TRPM1: variants seen among roughly 807,000 people sequenced by gnomAD.
TRPM1 encodes transient receptor potential cation channel subfamily M member 1, also known as TRPM1-203 APA Isoform, Intron 10.
A neutral mutation model predicts 149.4 loss-of-function variants in TRPM1; 113 were observed. The ratio of observed to expected loss-of-function variants is 0.76; its 90% CI spans 0.65 to 0.88. The LOEUF (loss-of-function observed/expected upper bound fraction) is 0.88. Ranked by LOEUF, TRPM1 falls within the 40% of genes least tolerant of loss-of-function variation. The pLI is 0.00. For missense variants in TRPM1, 1,976 were observed against 2,038.7 expected, an observed-to-expected ratio of 0.97 and a Z score of 0.59; for synonymous variants, 741 against 759.5, an observed-to-expected ratio of 0.98 and a Z score of 0.40.
intron 1 of TRPM1, among the ~76,000 whole-genome samples, chr15:31,091,424 G>A (rs1160916295): frequency 6.6e-6 from 1 of 152,244 alleles, no homozygotes; most frequent in Non-Finnish European, 1.5e-5. Context: ...AAGTCAGTAA[G>A]CGCCTCTCAG....
chr15:31,147,616 T>G (rs552676596), intron 1 of TRPM1, among the ~76,000 whole-genome samples: 3 of 152,354 alleles, frequency 2.0e-5, no homozygotes, highest in Admixed American at 2.0e-4. Context: ...GCTCTCAGAT[T>G]AGCTGCTCCT....
At chr15:31,066,928 G>T (rs951038679) in intron 6 of TRPM1, 135 bp downstream of exon 6, 1 of 1,173,844 alleles carries the variant, frequency 8.5e-7, no homozygotes, top group African/African-American at 1.5e-5. Flanking sequence ...TTTGCAAGAT[G>T]TTACCATTGG....
chr15:31,152,347 G>A (rs996587953), intron 1 of TRPM1, among the ~76,000 whole-genome samples: 1 of 152,224 alleles, frequency 6.6e-6, no homozygotes, highest in African/African-American at 2.4e-5. Context: ...CCAGGACTGG[G>A]TTCAAAAGGT....
At chr15:31,154,670 G>A (rs537279507) in intron 1 of TRPM1, among the ~76,000 whole-genome samples, 3 of 152,328 alleles carry the variant, frequency 2.0e-5, no homozygotes, top group African/African-American at 7.2e-5. Flanking sequence ...TTAGCCACAA[G>A]ATTAGAAATT....
At chr15:31,113,416 A>G (rs116325205) in intron 1 of TRPM1, among the ~76,000 whole-genome samples, 3,234 of 139,542 alleles carry the variant, frequency 0.023, 115 homozygotes, top group African/African-American at 0.081. Flanking sequence ...ACAGAATTCA[A>G]TACCCAGCTC....
At position 31,032,958 on chromosome 15, in the gene TRPM1, A is replaced by C; in HGVS notation, c.2701-18T>G. ...ATGAGGATCTGAAAACAAACCCCAA[A>C]GAACAATAAACTGAGATGCCGTATT... On this transcript the variant is annotated intron_variant, in intron 21 of 27. Coordinates refer to ENST00000256552, the MANE Select transcript of TRPM1 (RefSeq NM_001252024.2). 6.2e-7 allele frequency: 1 copy of C among 1,614,048 alleles called. No individual in the cohort carries two copies. The highest frequency in any genetic ancestry group is 8.5e-7 in the Non-Finnish European group (1 of 1,180,044).
chr15:31,087,418 A>AT (rs1162414951), intron 1 of TRPM1, among the ~76,000 whole-genome samples: 2 of 150,954 alleles, frequency 1.3e-5, no homozygotes, highest in Admixed American at 6.6e-5. Flanking sequence ...CGCCCCGCTA[A>AT]TTTTTTTGTG....
intron 1 of TRPM1, among the ~76,000 whole-genome samples, chr15:31,132,643 A>G (rs2036032174): frequency 6.6e-6 from 1 of 152,220 alleles, no homozygotes; most frequent in Non-Finnish European, 1.5e-5. Context: ...TACTTTGAGC[A>G]TCACTAGTTC....
At chr15:31,091,864 CA>C (rs1335700845) in intron 1 of TRPM1, among the ~76,000 whole-genome samples, 2 of 152,184 alleles carry the variant, frequency 1.3e-5, no homozygotes, top group Non-Finnish European at 2.9e-5. Context: ...ACACCTTCTT[CA>C]AAAGTTCAGT....
chr15:31,027,242 A>C, intron 25 of TRPM1, 125 bp from the exon 26 acceptor site: 2 of 831,442 alleles, frequency 2.4e-6, no homozygotes, highest in Non-Finnish European at 3.8e-6. Flanking sequence ...GCCCTTTAGT[A>C]CTGATTCCTT....
intron 14 of TRPM1, 70 bp from the exon 15 acceptor site, chr15:31,047,321 G>T (rs554043544): frequency 5.0e-6 from 8 of 1,587,494 alleles, no homozygotes; most frequent in South Asian, 2.2e-5. Context: ...ACACGTCTAG[G>T]GGGTAAGTGG....
intron 1 of TRPM1, among the ~76,000 whole-genome samples, chr15:31,123,801 G>A (rs563376909): frequency 6.6e-6 from 1 of 152,258 alleles, no homozygotes; most frequent in South Asian, 2.1e-4. Context: ...ACTAAACATA[G>A]TCTTATCTTA....
Position 31,067,085 on chromosome 15 carries a change from T to C in TRPM1, c.596A>G (p.Lys199Arg), listed in dbSNP as rs1300185051. 6.2e-7 allele frequency: 1 copy of C among 1,614,176 alleles called. No individual in the cohort carries two copies. Among genetic ancestry groups the C allele is most frequent in the Admixed American group, 1.7e-5 (1 of 60,028 alleles). ...TACATCCTTTCCAACCAGGTCTTCC[T>C]TATTCTCCACGATGCCCCATGGAGC... ...GIAPWGIVENKEDLVGKDVTR... is the reference protein window; with the variant it reads ...GIAPWGIVENREDLVGKDVTR... Residue 199 changes from lysine (K) to arginine (R), a missense_variant, in exon 6 of 28, where the codon AAG becomes AGG. Coordinates refer to ENST00000256552, the MANE Select transcript of TRPM1 (RefSeq NM_001252024.2).
intron 22 of TRPM1, among the ~76,000 whole-genome samples, chr15:31,031,984 A>C (rs1364270692): frequency 6.9e-6 from 1 of 144,926 alleles, no homozygotes. Flanking sequence ...ACCACATGTT[A>C]GGAGGTTATA....
chr15:31,014,068 C>T (rs541559150), intron 27 of TRPM1, among the ~76,000 whole-genome samples: 1 of 152,194 alleles, frequency 6.6e-6, no homozygotes, highest in Non-Finnish European at 1.5e-5. Flanking sequence ...CTCAGGTCTT[C>T]CTGAGTATAC....
At chr15:31,069,481 G>T in intron 4 of TRPM1, 6 of 1,060,690 alleles carry the variant, frequency 5.7e-6, no homozygotes, top group East Asian at 6.9e-5. Context: ...GCATGTAGGA[G>T]TGTAATTCAG....
chr15:31,072,018 T>TATAGAGAG (rs1400392427), intron 3 of TRPM1, among the ~76,000 whole-genome samples: 19 of 36,906 alleles, frequency 5.1e-4, no homozygotes, highest in African/African-American at 1.4e-3. Flanking sequence ...TATATATATA[T>TATAGAGAG]AGAGAGAGAG....
chr15:31,015,390 T>C (rs1933351154), intron 27 of TRPM1, among the ~76,000 whole-genome samples: 1 of 148,998 alleles, frequency 6.7e-6, no homozygotes, highest in Admixed American at 6.7e-5. Flanking sequence ...CCAGCCTGGG[T>C]GACAGAGCGA....
rs2033921168 is a variant in TRPM1 at position 31,050,585 on chromosome 15, G to C, written c.1264-3C>G. On this transcript the variant is annotated splice_polypyrimidine_tract_variant and splice_region_variant and intron_variant, in intron 11 of 27. Transcript: ENST00000256552. ...GGGGGTGCCAGGCTTCCCAGGGGCT[G>C]CAGTCCACAGCAATCAGAGTTGGGA... 2.5e-6 allele frequency: 4 copies of C among 1,613,888 alleles called. No homozygotes were observed. Among genetic ancestry groups the C allele is most frequent in the Non-Finnish European group, 2.5e-6 (3 of 1,180,026 alleles).
Sources: allele counts gnomAD v4.1 joint callset (sites outside exome capture counted in the v4.1 genomes callset), GRCh38; gene constraint gnomAD v4.1.1; transcripts MANE v1.5; gene names NCBI Gene and HGNC (gene_info 2026-07-23, HGNC 2026-07-21).